The following VTA1 variants were observed in gnomAD, a reference collection of about 807,000 sequenced individuals.
VTA1 encodes the protein vesicle trafficking 1, also known as vacuolar protein sorting-associated protein VTA1 homolog.
Under a neutral mutation model 36.9 loss-of-function variants are expected in VTA1, and 24 were observed. That is an observed-to-expected ratio of 0.65 (90% CI 0.47 to 0.91). The LOEUF (loss-of-function observed/expected upper bound fraction) is 0.91, where lower values mean the gene tolerates loss of function less well. Among genes scored for constraint, VTA1 ranks in the 40% least tolerant of loss-of-function variants. The pLI is 0.00. For synonymous variants in VTA1, 142 were observed against 130.2 expected (o/e 1.09, Z -0.62); for missense variants, 393 against 377.2 (o/e 1.04, Z -0.35).
At chr6:142,203,902 C>T (rs1775736432) in intron 6 of VTA1, 83 bp from the exon 7 acceptor site, 1 of 1,072,380 alleles carries the variant, frequency 9.3e-7, no homozygotes, top group Non-Finnish European at 1.4e-6. Flanking sequence ...AATGAAATTG[C>T]CTCATGATTT....
chr6:142,173,007 A>G (rs1245035383), intron 4 of VTA1, among the ~76,000 whole-genome samples: 3 of 152,050 alleles, frequency 2.0e-5, no homozygotes, highest in Admixed American at 6.5e-5. Flanking sequence ...ATGATTAACT[A>G]TGGGCCTTAG....
intron 4 of VTA1, among the ~76,000 whole-genome samples, chr6:142,188,693 G>A (rs931286918): frequency 6.6e-6 from 1 of 151,988 alleles, no homozygotes; most frequent in Non-Finnish European, 1.5e-5. Flanking sequence ...AAAGGTCAGT[G>A]GAAAATATAA....
intron 1 of VTA1, among the ~76,000 whole-genome samples, chr6:142,162,833 G>GC (rs1774835498): frequency 6.6e-6 from 1 of 152,162 alleles, no homozygotes; most frequent in African/African-American, 2.4e-5. Context: ...GAAGTAGTAA[G>GC]AAGCCAGGGA....
intron 1 of VTA1, among the ~76,000 whole-genome samples, chr6:142,155,865 G>A (rs544528788): frequency 3.8e-4 from 58 of 152,188 alleles, no homozygotes; most frequent in African/African-American, 1.3e-3. Flanking sequence ...TAGCTTTACC[G>A]TAATTGCTTT....
chr6:142,185,029 C>T (rs1476411860), intron 4 of VTA1, among the ~76,000 whole-genome samples: 1 of 152,034 alleles, frequency 6.6e-6, no homozygotes, highest in Non-Finnish European at 1.5e-5. Flanking sequence ...TTCCTTATTT[C>T]TATCTTTGCT....
At chr6:142,214,657 C>T (rs553927880) in intron 7 of VTA1, among the ~76,000 whole-genome samples, 5 of 152,226 alleles carry the variant, frequency 3.3e-5, no homozygotes, top group South Asian at 2.1e-4. Context: ...GAATGCACAA[C>T]GTCAAGAGTA....
chr6:142,223,147 A>G lies in VTA1; in HGVS notation c.*4504A>G, dbSNP rs1776140288. On this transcript the variant is annotated 3_prime_UTR_variant, in exon 8 of 8. Coordinates refer to ENST00000367630, the MANE Select transcript of VTA1 (RefSeq NM_016485.5). ...CCTAAATTTTTCTATTATCTGGGCC[A>G]TATGTTCCAATTGACAGTGCTAGGC... 6.6e-6 allele frequency: 1 copy of G among 152,212 alleles called. No individual in the cohort carries two copies. Among genetic ancestry groups the G allele is most frequent in the African/African-American group, 2.4e-5 (1 of 41,448 alleles). The allele number at this position is 152,212 out of a possible 1,614,324, so 9.4% of individuals were successfully genotyped here. A position where few individuals can be genotyped will look rare whatever the true frequency, so the allele number is the denominator to read the frequency against.
intron 4 of VTA1, among the ~76,000 whole-genome samples, chr6:142,180,962 T>G (rs890275311): frequency 1.3e-5 from 2 of 151,058 alleles, no homozygotes; most frequent in East Asian, 3.9e-4. Flanking sequence ...ATTGGGACTG[T>G]GGATCAGACT....
At chr6:142,160,095 C>T (rs1774768459) in intron 1 of VTA1, among the ~76,000 whole-genome samples, 2 of 152,112 alleles carry the variant, frequency 1.3e-5, no homozygotes, top group African/African-American at 4.8e-5. Flanking sequence ...AGTTTGTCAT[C>T]TTTCTTTGAA....
At chr6:142,178,732 C>T (rs1266811933) in intron 4 of VTA1, among the ~76,000 whole-genome samples, 1 of 151,846 alleles carries the variant, frequency 6.6e-6, no homozygotes, top group Non-Finnish European at 1.5e-5. Flanking sequence ...AATTTTAGAC[C>T]TAAATACAGC....
chr6:142,199,719 TTTTC>T (rs1337295453), intron 6 of VTA1, among the ~76,000 whole-genome samples: 1 of 152,120 alleles, frequency 6.6e-6, no homozygotes, highest in African/African-American at 2.4e-5. Flanking sequence ...ATTGCTAACG[TTTTC>T]TTTAAGATTA....
At chr6:142,168,740 CATT>C (rs3079231) in intron 2 of VTA1, among the ~76,000 whole-genome samples, 47,245 of 140,628 alleles carry the variant, frequency 0.34, 8,677 homozygotes, top group Middle Eastern at 0.52. Flanking sequence ...TGAGAGATAT[CATT>C]ATTATTATTA....
At chr6:142,181,141 T>C (rs1337235463) in intron 4 of VTA1, among the ~76,000 whole-genome samples, 1 of 117,258 alleles carries the variant, frequency 8.5e-6, no homozygotes, top group East Asian at 2.2e-4. Flanking sequence ...AGACACACTT[T>C]TTTTTTTTTT....
Position 142,180,703 on chromosome 6 carries a change from C to T in VTA1, c.412-8723C>T, listed in dbSNP as rs191360824. On this transcript the variant is annotated intron_variant, in intron 4 of 7. Transcript: ENST00000367630. ...TAACACCACTAATATTGGGACAGCT[C>T]ACGTCATGTGCATCCTAATAAGATG... Among the ~76,000 whole-genome samples, 3 of 152,208 alleles carry T rather than the reference C, an allele frequency of 2.0e-5. No individual in the cohort carries two copies. In the East Asian group the frequency reaches 5.8e-4, roughly 29 times the overall value.
At chr6:142,195,654 AT>A (rs1775531901) in intron 5 of VTA1, among the ~76,000 whole-genome samples, 1 of 97,682 alleles carries the variant, frequency 1.0e-5, no homozygotes, top group African/African-American at 3.7e-5. Flanking sequence ...TGATCTTTAA[AT>A]TTTTCTTTTC....
chr6:142,217,405 G>A (rs1776022175), intron 7 of VTA1, among the ~76,000 whole-genome samples: 1 of 152,056 alleles, frequency 6.6e-6, no homozygotes, highest in South Asian at 2.1e-4. Context: ...GGAAACAGTA[G>A]CATCAATTGT....
intron 7 of VTA1, among the ~76,000 whole-genome samples, chr6:142,209,274 A>G (rs955999184): frequency 5.3e-5 from 8 of 152,056 alleles, no homozygotes; most frequent in African/African-American, 1.9e-4. Flanking sequence ...AAATTAAGAA[A>G]GCAATCCCAT....
intron 1 of VTA1, among the ~76,000 whole-genome samples, chr6:142,154,132 T>C (rs1778617881): frequency 6.6e-6 from 1 of 152,010 alleles, no homozygotes; most frequent in Non-Finnish European, 1.5e-5. Context: ...TGTTGCCCTT[T>C]TATTAATATA....
chr6:142,151,039 G>GAGTC (rs1468075617), intron 1 of VTA1, among the ~76,000 whole-genome samples: 1 of 152,192 alleles, frequency 6.6e-6, no homozygotes, highest in Non-Finnish European at 1.5e-5. Flanking sequence ...GGGATGCAGG[G>GAGTC]AGTCACCTGG....
Sources: gnomAD v4.1 joint callset for allele counts (sites outside exome capture counted in the v4.1 genomes callset) on GRCh38, gnomAD v4.1.1 for gene constraint, MANE v1.5 for transcripts, NCBI Gene and HGNC (gene_info 2026-07-23, HGNC 2026-07-21) for gene names.